PPP3CA: variants seen among roughly 807,000 people sequenced by gnomAD.
PPP3CA encodes the protein CAM-PRP catalytic subunit.
PPP3CA carries 14 observed loss-of-function variants against 66.5 expected under a neutral mutation model. The observed-to-expected ratio is 0.21, with a 90% CI of 0.14 to 0.33. The LOEUF (loss-of-function observed/expected upper bound fraction) is 0.33. PPP3CA is among the 10% of genes least tolerant of loss of function. The pLI is 1.00. For missense variants in PPP3CA, 317 were observed against 639.5 expected (o/e 0.50, Z 5.44); for synonymous variants, 232 against 226.2 (o/e 1.03, Z -0.23).
At chr4:101,180,024 C>T (rs1448551817) in intron 2 of PPP3CA, among the ~76,000 whole-genome samples, 1 of 152,028 alleles carries the variant, frequency 6.6e-6, no homozygotes, top group Non-Finnish European at 1.5e-5. Flanking sequence ...CTGTAGTCAC[C>T]CAAAAATGAT....
intron 2 of PPP3CA, among the ~76,000 whole-genome samples, chr4:101,190,198 T>C (rs1724553512): frequency 1.3e-5 from 2 of 152,098 alleles, no homozygotes; most frequent in African/African-American, 2.4e-5. Flanking sequence ...AAAGCCACGA[T>C]AGTATTGATT....
chr4:101,160,500 T>C (rs188418094), intron 2 of PPP3CA, among the ~76,000 whole-genome samples: 1 of 152,160 alleles, frequency 6.6e-6, no homozygotes, highest in African/African-American at 2.4e-5. Context: ...TCATGGTAAA[T>C]GCACAGAGTG....
At chr4:101,101,696 GATTA>G (rs1031043223) in intron 3 of PPP3CA, among the ~76,000 whole-genome samples, 3 of 152,010 alleles carry the variant, frequency 2.0e-5, no homozygotes, top group Admixed American at 6.6e-5. Flanking sequence ...TCAAATCACA[GATTA>G]ATTAATTTTT....
intron 1 of PPP3CA, among the ~76,000 whole-genome samples, chr4:101,229,236 T>TACAC (rs10654762): frequency 0.66 from 98,760 of 150,172 alleles, 33,381 homozygotes; most frequent in Non-Finnish European, 0.74. Context: ...TTCATTATTT[T>TACAC]ACACTCACAC....
At chr4:101,215,848 AG>A (rs1725436255) in intron 1 of PPP3CA, among the ~76,000 whole-genome samples, 2 of 152,158 alleles carry the variant, frequency 1.3e-5, no homozygotes, top group Admixed American at 6.6e-5. Context: ...TTTTCCATAT[AG>A]TATAAAGATG....
chr4:101,343,833 T>C (rs1729897715), intron 1 of PPP3CA, among the ~76,000 whole-genome samples: 1 of 152,124 alleles, frequency 6.6e-6, no homozygotes, highest in Admixed American at 6.5e-5. Context: ...AAAGCTGCAT[T>C]CTAAAAGTAC....
chr4:101,138,690 T>A (rs1371493437), intron 2 of PPP3CA, among the ~76,000 whole-genome samples: 1 of 152,198 alleles, frequency 6.6e-6, no homozygotes, highest in Non-Finnish European at 1.5e-5. Context: ...TGCTCCCCTG[T>A]ATAACAAAAG....
intron 1 of PPP3CA, among the ~76,000 whole-genome samples, chr4:101,314,306 T>A (rs1728815467): frequency 6.6e-6 from 1 of 152,088 alleles, no homozygotes; most frequent in South Asian, 2.1e-4. Context: ...CTAATCAAGT[T>A]ACCAAAAAAT....
intron 1 of PPP3CA, among the ~76,000 whole-genome samples, chr4:101,253,993 G>C (rs1380767588): frequency 6.6e-6 from 1 of 151,926 alleles, no homozygotes; most frequent in Non-Finnish European, 1.5e-5. Context: ...ATAATCATTA[G>C]ACTTAAATTC....
chr4:101,097,369 A>G (rs538511512), intron 5 of PPP3CA, among the ~76,000 whole-genome samples: 1 of 152,274 alleles, frequency 6.6e-6, no homozygotes, highest in Admixed American at 6.5e-5. Flanking sequence ...AAAGTAGAGG[A>G]AAGAAGATAA....
chr4:101,281,649 C>G (rs940166324), intron 1 of PPP3CA, among the ~76,000 whole-genome samples: 14 of 152,164 alleles, frequency 9.2e-5, no homozygotes, highest in African/African-American at 3.4e-4. Context: ...GTTTTTAAGT[C>G]AATCAAATGT....
intron 1 of PPP3CA, among the ~76,000 whole-genome samples, chr4:101,241,033 A>G (rs1726289885): frequency 6.6e-6 from 1 of 151,910 alleles, no homozygotes; most frequent in Non-Finnish European, 1.5e-5. Flanking sequence ...ACAGCTGGCT[A>G]ATTTTTAATT....
intron 1 of PPP3CA, among the ~76,000 whole-genome samples, chr4:101,250,788 T>C (rs1471027663): frequency 1.3e-5 from 2 of 152,108 alleles, no homozygotes; most frequent in Middle Eastern, 3.2e-3. Context: ...AAATTTTTAA[T>C]AGGTTTAATA....
chr4:101,189,113 A>G (rs1724506404), intron 2 of PPP3CA, among the ~76,000 whole-genome samples: 1 of 152,142 alleles, frequency 6.6e-6, no homozygotes, highest in Non-Finnish European at 1.5e-5. Context: ...GACAGAAATC[A>G]ATAAAATCAA....
chr4:101,346,118 C>T (rs1729980850), intron 1 of PPP3CA, among the ~76,000 whole-genome samples: 1 of 151,432 alleles, frequency 6.6e-6, no homozygotes, highest in Non-Finnish European at 1.5e-5. Context: ...CCGCCCCGCG[C>T]GGAAGGAAGC....
chr4:101,120,902 T>C (rs1722005467), intron 2 of PPP3CA, among the ~76,000 whole-genome samples: 1 of 152,104 alleles, frequency 6.6e-6, no homozygotes, highest in Non-Finnish European at 1.5e-5. Flanking sequence ...CTGTCTCTAA[T>C]TTAAACATGA....
intron 1 of PPP3CA, among the ~76,000 whole-genome samples, chr4:101,228,620 G>A (rs1725857098): frequency 1.3e-5 from 2 of 151,380 alleles, no homozygotes; most frequent in Admixed American, 6.6e-5. Context: ...CATAAAAAAG[G>A]GGCTTTTCTT....
intron 10 of PPP3CA, among the ~76,000 whole-genome samples, chr4:101,056,649 G>A (rs1258494267): frequency 6.6e-6 from 1 of 152,062 alleles, no homozygotes; most frequent in Non-Finnish European, 1.5e-5. Context: ...AACAATTTAA[G>A]GAAGACTTTT....
chr4:101,103,572 C>A (rs1270758178), intron 3 of PPP3CA, among the ~76,000 whole-genome samples: 1 of 152,184 alleles, frequency 6.6e-6, no homozygotes, highest in Non-Finnish European at 1.5e-5. Flanking sequence ...TATTCTCAGG[C>A]AGAAGCATGG....
Sources: gnomAD v4.1 joint callset for allele counts (sites outside exome capture counted in the v4.1 genomes callset) on GRCh38, gnomAD v4.1.1 for gene constraint, MANE v1.5 for transcripts, NCBI Gene and HGNC (gene_info 2026-07-23, HGNC 2026-07-21) for gene names.